Variants in MPND observed in about 807,000 individuals in gnomAD.
MPND encodes MPN domain containing, also known as MPN domain-containing protein.
A neutral mutation model predicts 59.2 loss-of-function variants in MPND; 56 were observed. That is an observed-to-expected ratio of 0.95 (90% CI 0.76 to 1.18). The LOEUF (loss-of-function observed/expected upper bound fraction) is 1.18. Among genes scored for constraint, MPND ranks in the 50% most tolerant of loss-of-function variants. The pLI, the probability that MPND is intolerant of heterozygous loss-of-function variation, is 0.00. For missense variants in MPND, 671 were observed against 676.0 expected (o/e 0.99, Z 0.08); for synonymous variants, 323 against 291.9 (o/e 1.11, Z -1.09).
Position 4,345,741 on chromosome 19 carries a change from G to T in MPND, c.295-4G>T. On this transcript the variant is annotated splice_region_variant and splice_polypyrimidine_tract_variant and intron_variant, in intron 2 of 12. Coordinates refer to ENST00000599840, the MANE Select transcript of MPND (RefSeq NM_001300862.2). ...TGGGCCCAGCCAGCTGACTGTCACTGCAGGGGAAGAAGTTCCTGGGCGACC... is the reference window on the plus strand; with the variant it reads ...TGGGCCCAGCCAGCTGACTGTCACTTCAGGGGAAGAAGTTCCTGGGCGACC... 2.5e-6 allele frequency: 4 copies of T among 1,613,682 alleles called. No individual in the cohort carries two copies. Among genetic ancestry groups the T allele is most frequent in the Non-Finnish European group, 3.4e-6 (4 of 1,179,808 alleles).
intron 3 of MPND, among the ~76,000 whole-genome samples, chr19:4,349,875 C>T (rs990476808): frequency 2.6e-5 from 4 of 152,180 alleles, no homozygotes; most frequent in African/African-American, 9.7e-5. Context: ...GTAACAAATG[C>T]CATCGCAGTA....
chr19:4,351,190 G>A (rs763040400), intron 3 of MPND, among the ~76,000 whole-genome samples: 18 of 152,146 alleles, frequency 1.2e-4, no homozygotes, highest in Non-Finnish European at 2.2e-4. Context: ...TGCAGTCTCC[G>A]CCTCCCGGGT....
rs749133250 is a variant in MPND at position 4,345,885 on chromosome 19, G to A, written c.435G>A (p.Trp145Ter). 1.9e-6 allele frequency: 3 copies of A among 1,613,996 alleles called. No homozygotes were observed. In the Admixed American group the frequency reaches 5.0e-5, roughly 27 times the overall value. The change falls in exon 3 of 13, where the codon TGG becomes TGA. Residue 145 changes from tryptophan to a stop codon, truncating the protein, a stop_gained. Transcript: ENST00000599840. LOFTEE classifies it high-confidence loss of function. The part of the protein sequence containing the change: ...VNPAKKSGCG[W>*]ASVKYKGQKL... ...CTGCCAAGAAGTCGGGCTGTGGCTG[G>A]GCCTCTGTCAAGTACAAAGGCCAGA...
At chr19:4,345,702 G>C in intron 2 of MPND, 43 bp from the exon 3 acceptor site, 4 of 1,588,470 alleles carry the variant, frequency 2.5e-6, no homozygotes, top group Non-Finnish European at 3.5e-6. Context: ...AGAGGGCATG[G>C]TGGGTGTTGG....
At chr19:4,352,289 G>T (rs1331317814) in intron 3 of MPND, among the ~76,000 whole-genome samples, 1 of 152,246 alleles carries the variant, frequency 6.6e-6, no homozygotes, top group Non-Finnish European at 1.5e-5. Context: ...ACTTTGAGCA[G>T]TAGGATATAA....
In MPND at chr19:4,343,943, C is replaced by T. The variant is rs1041755853; in HGVS notation, c.243C>T (p.Leu81=). ...TRRAVTLRVL[L]KDALLEPGAG... The stretch of plus-strand genomic sequence containing the variant: ...GCGCGGTCACACTGCGGGTGCTCCT[C>T]AAAGACGCGCTGCTGGAGCCTGGCG... Residue 81 remains leucine (L), a synonymous_variant, in exon 2 of 13, where the codon CTC becomes CTT. Coordinates refer to ENST00000599840, the MANE Select transcript of MPND (RefSeq NM_001300862.2). 54 of 1,382,466 alleles carry T rather than the reference C, an allele frequency of 3.9e-5. No individual in the cohort carries two copies. Among genetic ancestry groups the T allele is most frequent in the African/African-American group, 1.6e-4 (11 of 66,916 alleles). The allele number at this position is 1,382,466 out of a possible 1,614,324, so 85.6% of individuals were successfully genotyped here.
chr19:4,350,805 T>A (rs1972299976), intron 3 of MPND, among the ~76,000 whole-genome samples: 1 of 151,740 alleles, frequency 6.6e-6, no homozygotes, highest in African/African-American at 2.4e-5. Context: ...GACAGGACTG[T>A]GGGCAGTGTC....
intron 11 of MPND, among the ~76,000 whole-genome samples, chr19:4,358,934 CCT>C (rs1972509601): frequency 1.3e-5 from 2 of 152,170 alleles, no homozygotes; most frequent in African/African-American, 4.8e-5. Context: ...TCCAGGTGGA[CCT>C]CTCGTGGCAG....
chr19:4,345,407 C>T (rs1170374107), intron 2 of MPND, among the ~76,000 whole-genome samples: 1 of 152,174 alleles, frequency 6.6e-6, no homozygotes, highest in Non-Finnish European at 1.5e-5. Context: ...GCACATTATT[C>T]CCCTTCTGAA....
rs1295057103 is a variant in MPND, at chr19:4,343,927, CA to C, written c.228del (p.Leu77CysfsTer59). On this transcript the variant is annotated frameshift_variant, in exon 2 of 13. Coordinates refer to ENST00000599840, the MANE Select transcript of MPND (RefSeq NM_001300862.2). LOFTEE classifies it high-confidence loss of function. ...GGCGCGCTCACCAGGCGCGCGGTCA[CA>C]CTGCGGGTGCTCCTCAAAGACGCGC... ...PGGALTRRAV[T>X]LRVLLKDALL... The C allele has an allele frequency of 3.7e-6, 5 of 1,348,774 alleles. No individual in the cohort carries two copies. Among genetic ancestry groups the C allele is most frequent in the Non-Finnish European group, 4.8e-6 (5 of 1,048,722 alleles). The allele number at this position is 1,348,774 out of a possible 1,614,324, so 83.6% of individuals were successfully genotyped here.
At chr19:4,353,461 T>C (rs1326791622) in intron 4 of MPND, among the ~76,000 whole-genome samples, 1 of 152,034 alleles carries the variant, frequency 6.6e-6, no homozygotes, top group African/African-American at 2.4e-5. Flanking sequence ...AGAGATGGAG[T>C]TTCACAATGT....
At chr19:4,348,043 C>T (rs1019244004) in intron 3 of MPND, among the ~76,000 whole-genome samples, 7 of 151,698 alleles carry the variant, frequency 4.6e-5, no homozygotes, top group Non-Finnish European at 1.0e-4. Context: ...AGGCGCCCAC[C>T]ACCACACCCG....
intron 11 of MPND, chr19:4,358,525 C>T (rs1236983428): frequency 4.9e-5 from 11 of 223,514 alleles, no homozygotes; most frequent in Non-Finnish European, 7.2e-5. Context: ...TAGTGGCTCA[C>T]GCCTGTAATC....
In MPND at chr19:4,343,830, G is replaced by T. The variant is rs1024657575; in HGVS notation, c.130G>T (p.Gly44Cys). ...GGGAGCGGGCGGTGGACGCAGTGGC[G>T]GCGGCGGCAGTAGCGTCAGCGGAGG... The part of the protein sequence containing the change: ...NAGAGGGRSG[G>C]GGSSVSGGGG... Residue 44 changes from glycine to cysteine, a missense_variant, in exon 2 of 13, where the codon GGC (glycine) becomes TGC (cysteine). Gly to Cys is a radical substitution (Grantham distance 159, BLOSUM62 -3). Transcript: ENST00000599840. The T allele has an allele frequency of 3.6e-5, 44 of 1,208,370 alleles. 1 individual carries two copies. The highest frequency in any genetic ancestry group is 4.3e-5 in the Non-Finnish European group (42 of 974,142). The allele number at this position is 1,208,370 out of a possible 1,614,324, so 74.9% of individuals were successfully genotyped here.
At chr19:4,359,351 G>A in intron 12 of MPND, 96 bp downstream of exon 12, 1 of 895,160 alleles carries the variant, frequency 1.1e-6, no homozygotes, top group East Asian at 2.6e-5. Flanking sequence ...GTGGGCCTCA[G>A]GGGCCTGAGA....
intron 4 of MPND, 99 bp from the exon 5 acceptor site, chr19:4,353,946 A>C (rs1384806263): frequency 3.0e-6 from 3 of 1,008,342 alleles, no homozygotes; most frequent in Non-Finnish European, 4.6e-6. Context: ...CTCCTGCTTC[A>C]GCACTGGGAT....
chr19:4,358,255 G>T, intron 11 of MPND, 83 bp downstream of exon 11: 2 of 1,275,188 alleles, frequency 1.6e-6, no homozygotes, highest in Non-Finnish European at 2.2e-6. Context: ...CCCACCGGTG[G>T]GCTTGGGAAG....
intron 3 of MPND, 107 bp from the exon 4 acceptor site, chr19:4,352,790 A>G: frequency 5.1e-6 from 6 of 1,174,572 alleles, no homozygotes; most frequent in Non-Finnish European, 6.6e-6. Flanking sequence ...CATGTGGGGC[A>G]ATGGCACTTA....
At chr19:4,352,501 A>C (rs1055725189) in intron 3 of MPND, among the ~76,000 whole-genome samples, 1 of 152,118 alleles carries the variant, frequency 6.6e-6, no homozygotes, top group Non-Finnish European at 1.5e-5. Context: ...CCTGACCAAC[A>C]TGGAGAAATC....
Sources: gnomAD v4.1 joint callset for allele counts (sites outside exome capture counted in the v4.1 genomes callset) on GRCh38, gnomAD v4.1.1 for gene constraint, MANE v1.5 for transcripts, NCBI Gene and HGNC (gene_info 2026-07-23, HGNC 2026-07-21) for gene names.